Variants in DPYD observed in about 807,000 individuals in gnomAD.
DPYD encodes dihydropyrimidine dehydrogenase [NADP(+)].
DPYD carries 109 observed loss-of-function variants against 116.2 expected under a neutral mutation model. The observed-to-expected ratio is 0.94, with a 90% CI of 0.80 to 1.10. DPYD has a LOEUF of 1.10. DPYD is among the 50% of genes least tolerant of loss of function. The pLI is 0.00. For synonymous variants in DPYD, 440 were observed against 432.0 expected (o/e 1.02, Z -0.23); for missense variants, 1,302 against 1,254.5 (o/e 1.04, Z -0.57).
intron 2 of DPYD, among the ~76,000 whole-genome samples, chr1:97,831,307 C>A (rs908085638): frequency 6.6e-6 from 1 of 152,106 alleles, no homozygotes; most frequent in African/African-American, 2.4e-5. Context: ...ATTAAATATC[C>A]ACTGAGTAAA....
intron 16 of DPYD, among the ~76,000 whole-genome samples, chr1:97,371,383 A>T (rs1671304591): frequency 6.6e-6 from 1 of 152,222 alleles, no homozygotes; most frequent in Non-Finnish European, 1.5e-5. Context: ...ATGCAAGATC[A>T]CATAGCAATG....
chr1:97,830,573 T>A (rs757010036), intron 2 of DPYD, among the ~76,000 whole-genome samples: 4 of 152,036 alleles, frequency 2.6e-5, no homozygotes, highest in Non-Finnish European at 4.4e-5. Context: ...TAGCTGGGCA[T>A]GGTGGGTGCA....
At chr1:97,448,552 C>G (rs918102534) in intron 14 of DPYD, among the ~76,000 whole-genome samples, 1 of 151,660 alleles carries the variant, frequency 6.6e-6, no homozygotes, top group Admixed American at 6.6e-5. Flanking sequence ...ATGTTCAGTA[C>G]CTGGCAGAGT....
At chr1:97,130,836 CTCCTTCCTTCCTTCCTTCCTTCCT>C (rs59350272) in intron 20 of DPYD, among the ~76,000 whole-genome samples, 1 of 64,636 alleles carries the variant, frequency 1.5e-5, no homozygotes, top group South Asian at 5.0e-4. Context: ...TTTCTTCTTT[CTCCTTCCTTCCTTCCTTCCTTCCT>C]TCCTTCCTTC....
intron 14 of DPYD, among the ~76,000 whole-genome samples, chr1:97,447,850 T>C (rs1301398939): frequency 6.6e-6 from 1 of 152,136 alleles, no homozygotes; most frequent in Non-Finnish European, 1.5e-5. Flanking sequence ...AGGAAAATTT[T>C]TTTTTTCAGA....
chr1:97,617,531 G>A (rs143248386), intron 8 of DPYD, among the ~76,000 whole-genome samples: 1 of 152,182 alleles, frequency 6.6e-6, no homozygotes, highest in East Asian at 1.9e-4. Context: ...TGGTCTCTAG[G>A]TCCAGTGAAA....
intron 2 of DPYD, among the ~76,000 whole-genome samples, chr1:97,857,565 C>G (rs943314145): frequency 6.6e-6 from 1 of 152,170 alleles, no homozygotes; most frequent in African/African-American, 2.4e-5. Context: ...TTCTACATAG[C>G]TGACCACATA....
At chr1:97,826,771 T>C (rs1475678217) in intron 3 of DPYD, among the ~76,000 whole-genome samples, 3 of 152,148 alleles carry the variant, frequency 2.0e-5, no homozygotes, top group Admixed American at 6.5e-5. Context: ...TTTCTGAGAA[T>C]ATCTGATTGC....
intron 8 of DPYD, among the ~76,000 whole-genome samples, chr1:97,647,492 T>A (rs1488089805): frequency 6.6e-6 from 1 of 151,972 alleles, no homozygotes; most frequent in Non-Finnish European, 1.5e-5. Context: ...AATAAATATT[T>A]ATCCAGCGTG....
At chr1:97,784,908 C>T (rs1230073415) in intron 3 of DPYD, among the ~76,000 whole-genome samples, 2 of 152,074 alleles carry the variant, frequency 1.3e-5, no homozygotes, top group South Asian at 2.1e-4. Flanking sequence ...CAAACAGATG[C>T]TAGGAAAACA....
At chr1:97,186,535 TTC>T (rs1438930627) in intron 20 of DPYD, among the ~76,000 whole-genome samples, 2 of 151,878 alleles carry the variant, frequency 1.3e-5, no homozygotes, top group Non-Finnish European at 2.9e-5. Flanking sequence ...GACTTTCTTT[TTC>T]TGAGTTGTTT....
intron 13 of DPYD, 125 bp from the exon 14 acceptor site, chr1:97,450,348 T>A: frequency 1.1e-6 from 1 of 910,520 alleles, no homozygotes; most frequent in Non-Finnish European, 1.6e-6. Context: ...AGAGGAATTT[T>A]TAATATACAT....
intron 16 of DPYD, among the ~76,000 whole-genome samples, chr1:97,308,164 G>A (rs926280741): frequency 1.3e-5 from 2 of 151,658 alleles, no homozygotes; most frequent in Non-Finnish European, 2.9e-5. Flanking sequence ...TTTTCACTAG[G>A]TGACTGCTTT....
chr1:97,772,836 A>C (rs1164202458), intron 3 of DPYD, among the ~76,000 whole-genome samples: 1 of 152,208 alleles, frequency 6.6e-6, no homozygotes, highest in African/African-American at 2.4e-5. Flanking sequence ...AAGTAAACTT[A>C]CAAAGAATAG....
intron 3 of DPYD, among the ~76,000 whole-genome samples, chr1:97,785,297 G>T (rs1666959515): frequency 6.6e-6 from 1 of 152,008 alleles, no homozygotes; most frequent in Non-Finnish European, 1.5e-5. Flanking sequence ...TATGAGAAAG[G>T]TAAAAATCTA....
At chr1:97,583,304 T>G (rs1018261247) in intron 10 of DPYD, among the ~76,000 whole-genome samples, 1 of 152,180 alleles carries the variant, frequency 6.6e-6, no homozygotes, top group Non-Finnish European at 1.5e-5. Flanking sequence ...CATTTACTAT[T>G]GATGACATTT....
At chr1:97,846,021 C>A (rs1670283440) in intron 2 of DPYD, among the ~76,000 whole-genome samples, 1 of 152,226 alleles carries the variant, frequency 6.6e-6, no homozygotes, top group Non-Finnish European at 1.5e-5. Context: ...ACACCTCTTG[C>A]CACTCTGCAA....
At chr1:97,226,420 C>G (rs894692897) in intron 19 of DPYD, among the ~76,000 whole-genome samples, 3 of 151,988 alleles carry the variant, frequency 2.0e-5, no homozygotes, top group Admixed American at 1.3e-4. Context: ...TAAAAGCACC[C>G]AAATCAGAAA....
intron 4 of DPYD, among the ~76,000 whole-genome samples, chr1:97,730,279 T>C (rs1259789633): frequency 6.6e-6 from 1 of 152,136 alleles, no homozygotes; most frequent in Non-Finnish European, 1.5e-5. Context: ...TGGAGTGCAG[T>C]GGCGATATCT....
Sources: gnomAD v4.1 joint callset for allele counts (sites outside exome capture counted in the v4.1 genomes callset) on GRCh38, gnomAD v4.1.1 for gene constraint, MANE v1.5 for transcripts, NCBI Gene and HGNC (gene_info 2026-07-23, HGNC 2026-07-21) for gene names.